SPOCK3: variants seen among roughly 807,000 people sequenced by gnomAD.
The protein encoded by SPOCK3 is SPARC (osteonectin), cwcv and kazal like domains proteoglycan 3, also known as testican-3.
In SPOCK3, 30 loss-of-function variants were observed where a neutral mutation model predicts 56.6. That is an observed-to-expected ratio of 0.53 (90% CI 0.40 to 0.72). SPOCK3 has a LOEUF of 0.72. Among genes scored for constraint, SPOCK3 ranks in the 30% least tolerant of loss-of-function variants. The probability of loss-of-function intolerance (pLI) is 0.00; values close to 1 mark genes in which losing one functional copy is unlikely to be tolerated. For synonymous variants in SPOCK3, 196 were observed against 183.3 expected, an observed-to-expected ratio of 1.07 and a Z score of -0.56; for missense variants, 527 against 530.0, an observed-to-expected ratio of 0.99 and a Z score of 0.06.
At chr4:167,231,753 A>G (rs1442417362) in intron 2 of SPOCK3, among the ~76,000 whole-genome samples, 1 of 152,124 alleles carries the variant, frequency 6.6e-6, no homozygotes, top group Non-Finnish European at 1.5e-5. Flanking sequence ...ATTATTTGAG[A>G]AACCACACTG....
At chr4:167,153,915 G>GA (rs1561272429) in intron 2 of SPOCK3, among the ~76,000 whole-genome samples, 2 of 576 alleles carry the variant, frequency 3.5e-3, no homozygotes, top group Non-Finnish European at 6.9e-3. Context: ...GGAAAAACTA[G>GA]GCTTTAATCA....
In SPOCK3 at chr4:166,933,412, T is replaced by C. The variant is rs549715444; in HGVS notation, c.351-20669A>G. ...TTTTCTGGCTCTGGATGCCCAGCCA[T>C]AATCTCAGCTCAAGTGCTGGTTCCA... On this transcript the variant is annotated intron_variant, in intron 4 of 10. Transcript: ENST00000357545. 2.0e-5 allele frequency among the ~76,000 whole-genome samples: 3 copies of C among 152,324 alleles called. No homozygotes were observed. In the East Asian group the frequency reaches 5.8e-4, roughly 29 times the overall value.
chr4:166,829,402 C>A (rs774811067), intron 6 of SPOCK3, among the ~76,000 whole-genome samples: 1 of 151,928 alleles, frequency 6.6e-6, no homozygotes, highest in Non-Finnish European at 1.5e-5. Flanking sequence ...ACATTTAGGG[C>A]AAAAAGACTA....
intron 2 of SPOCK3, among the ~76,000 whole-genome samples, chr4:167,168,008 T>TG (rs2150458287): frequency 6.6e-6 from 1 of 152,210 alleles, no homozygotes; most frequent in Admixed American, 6.6e-5. Flanking sequence ...GTTTTATAAA[T>TG]GGGAGTTCCC....
intron 6 of SPOCK3, among the ~76,000 whole-genome samples, chr4:166,805,130 T>G (rs1743024019): frequency 6.6e-6 from 1 of 151,974 alleles, no homozygotes. Context: ...TAAATGATAC[T>G]TCACAAAAGG....
At chr4:167,155,126 GT>G (rs527372855) in intron 2 of SPOCK3, among the ~76,000 whole-genome samples, 4 of 150,272 alleles carry the variant, frequency 2.7e-5, no homozygotes, top group East Asian at 2.0e-4. Flanking sequence ...ATTATCCACT[GT>G]TTTTTTTTAA....
chr4:166,848,528 TG>T (rs1748337289), intron 6 of SPOCK3, among the ~76,000 whole-genome samples: 1 of 152,218 alleles, frequency 6.6e-6, no homozygotes, highest in Admixed American at 6.5e-5. Flanking sequence ...TTGAAATCCT[TG>T]GTGAGCTGCC....
At chr4:167,127,672 C>T (rs1762391340) in intron 2 of SPOCK3, among the ~76,000 whole-genome samples, 2 of 152,182 alleles carry the variant, frequency 1.3e-5, no homozygotes, top group Admixed American at 1.3e-4. Flanking sequence ...AGGAGATCCA[C>T]TCACCTCGGC....
intron 6 of SPOCK3, among the ~76,000 whole-genome samples, chr4:166,872,063 C>T (rs1474372275): frequency 6.6e-6 from 1 of 150,762 alleles, no homozygotes; most frequent in Non-Finnish European, 1.5e-5. Context: ...CATACACACA[C>T]ACACACACAC....
intron 4 of SPOCK3, among the ~76,000 whole-genome samples, chr4:166,939,320 C>T: frequency 6.6e-6 from 1 of 151,794 alleles, no homozygotes; most frequent in African/African-American, 2.4e-5. Flanking sequence ...TCTTTCCATA[C>T]ATATTTACTT....
At chr4:166,891,843 G>C (rs1444899700) in intron 5 of SPOCK3, among the ~76,000 whole-genome samples, 1 of 151,870 alleles carries the variant, frequency 6.6e-6, no homozygotes, top group Non-Finnish European at 1.5e-5. Flanking sequence ...AGTGGTATAG[G>C]AGCAGACAAA....
At chr4:167,075,841 T>A (rs1024619762) in intron 2 of SPOCK3, among the ~76,000 whole-genome samples, 1 of 151,826 alleles carries the variant, frequency 6.6e-6, no homozygotes, top group Non-Finnish European at 1.5e-5. Flanking sequence ...TGAATTAGGA[T>A]ATATATGTGT....
At chr4:167,050,142 C>T (rs1298865290) in intron 3 of SPOCK3, among the ~76,000 whole-genome samples, 1 of 152,108 alleles carries the variant, frequency 6.6e-6, no homozygotes, top group Non-Finnish European at 1.5e-5. Context: ...TCTCAAAGCC[C>T]TTTGGTACCT....
intron 6 of SPOCK3, among the ~76,000 whole-genome samples, chr4:166,818,872 A>T (rs1744643954): frequency 6.6e-6 from 1 of 152,084 alleles, no homozygotes; most frequent in South Asian, 2.1e-4. Flanking sequence ...TTTATAACTG[A>T]AAGTGACTAA....
rs534315662 is a variant in SPOCK3, at chr4:167,167,164, C to T, written c.189+66821G>A. On this transcript the variant is annotated intron_variant, in intron 2 of 10. Transcript: ENST00000357545. ...TTCTATATCTTTCTTAAGAATGATG[C>T]ATTTTGATTACAAAGAATGAGATCA... Among the ~76,000 whole-genome samples, 15 of 152,146 alleles carry T rather than the reference C, an allele frequency of 9.9e-5. No homozygotes were observed. The East Asian group carries it at 2.5e-3, about 26-fold the overall frequency.
At chr4:166,783,971 T>TG (rs1740457739) in intron 7 of SPOCK3, among the ~76,000 whole-genome samples, 1 of 152,152 alleles carries the variant, frequency 6.6e-6, no homozygotes, top group Admixed American at 6.6e-5. Context: ...TTGTTTTTTT[T>TG]TGGGGGGAGG....
chr4:166,932,942 A>G (rs1277398604), intron 4 of SPOCK3, among the ~76,000 whole-genome samples: 1 of 152,160 alleles, frequency 6.6e-6, no homozygotes, highest in East Asian at 1.9e-4. Context: ...TGTTGATATA[A>G]TAATCAATGT....
At chr4:166,961,853 A>T (rs1476949090) in intron 4 of SPOCK3, among the ~76,000 whole-genome samples, 4 of 152,058 alleles carry the variant, frequency 2.6e-5, no homozygotes, top group Admixed American at 2.6e-4. Flanking sequence ...AGCTGCTCTA[A>T]ACCTGAGCAT....
intron 3 of SPOCK3, among the ~76,000 whole-genome samples, chr4:167,022,533 T>C (rs1193020137): frequency 2.0e-5 from 3 of 152,046 alleles, no homozygotes; most frequent in Admixed American, 6.6e-5. Context: ...TGAGCCATAC[T>C]GTTGTACCAC....
Sources: allele counts gnomAD v4.1 joint callset (sites outside exome capture counted in the v4.1 genomes callset), GRCh38; gene constraint gnomAD v4.1.1; transcripts MANE v1.5; gene names NCBI Gene and HGNC (gene_info 2026-07-23, HGNC 2026-07-21).